The following MUC15 variants were observed in gnomAD, a reference collection of about 807,000 sequenced individuals.
MUC15 encodes mucin-15.
A neutral mutation model predicts 24.0 loss-of-function variants in MUC15; 23 were observed. That is an observed-to-expected ratio of 0.96 (90% CI 0.69 to 1.36). The LOEUF (loss-of-function observed/expected upper bound fraction) is 1.36, where lower values mean the gene tolerates loss of function less well. Ranked by LOEUF, MUC15 falls within the 40% of genes most tolerant of loss-of-function variation. The pLI is 0.00. For missense variants in MUC15, 442 were observed against 428.2 expected (o/e 1.03, Z -0.29); for synonymous variants, 151 against 156.3 (o/e 0.97, Z 0.25).
intron 1 of MUC15, among the ~76,000 whole-genome samples, chr11:26,570,198 A>G (rs1022838270): frequency 6.6e-6 from 1 of 151,842 alleles, no homozygotes; most frequent in African/African-American, 2.4e-5. Context: ...TTTTAGAACA[A>G]CTCCTCTACA....
intron 1 of MUC15, among the ~76,000 whole-genome samples, 180 bp downstream of exon 1, chr11:26,571,861 G>A (rs1037071948): frequency 2.6e-5 from 4 of 152,078 alleles, no homozygotes; most frequent in Non-Finnish European, 4.4e-5. Context: ...TACTCATTTG[G>A]AAGGTCATTA....
chr11:26,565,948 T>C, intron 2 of MUC15, 52 bp from the exon 3 acceptor site: 2 of 1,413,208 alleles, frequency 1.4e-6, no homozygotes, highest in Non-Finnish European at 1.9e-6. Context: ...ACTCTGAGTT[T>C]TTAAATGGAT....
chr11:26,569,432 TC>T (rs1348515138), intron 1 of MUC15, among the ~76,000 whole-genome samples: 2 of 152,084 alleles, frequency 1.3e-5, no homozygotes, highest in Admixed American at 6.6e-5. Context: ...CAAGTTTGCC[TC>T]TGCTGCCTGG....
chr11:26,559,835 T>TACACAC lies in MUC15; in HGVS notation c.*1224_*1229dup, dbSNP rs71047866. 2.5e-3 allele frequency: 1,682 copies of TACACAC among 661,662 alleles called. 4 individuals carry two copies. Among genetic ancestry groups the TACACAC allele is most frequent in the African/African-American group, 0.01 (557 of 54,232 alleles). 41.0% of individuals were successfully genotyped at this position (661,662 alleles called of 1,614,324 possible). A position where few individuals can be genotyped will look rare whatever the true frequency, so the allele number is the denominator to read the frequency against. ...TTATTTTCTGAAGCTGTTTCTGTGT[T>TACACAC]ACACACACACACACACACACACACA... On this transcript the variant is annotated 3_prime_UTR_variant, in exon 5 of 5. Coordinates refer to ENST00000529533, the MANE Select transcript of MUC15 (RefSeq NM_001135091.2).
rs761837933 is a variant in MUC15 at position 26,565,719 on chromosome 11, A to G, written c.221T>C (p.Ile74Thr). 5.6e-6 allele frequency: 9 copies of G among 1,613,194 alleles called. No individual in the cohort carries two copies. The highest frequency in any genetic ancestry group is 6.8e-6 in the Non-Finnish European group (8 of 1,179,524). The change falls in exon 3 of 5, where the codon ATT (isoleucine) becomes ACT (threonine). Residue 74 changes from isoleucine (I) to threonine (T), a missense_variant. Physicochemically the swap from Ile to Thr is moderately conservative, Grantham distance 89 (BLOSUM62 -1). Coordinates refer to ENST00000529533, the MANE Select transcript of MUC15 (RefSeq NM_001135091.2). Reference protein sequence around the residue: ...EVFKTMENKPISLESEANLNS... With the variant: ...EVFKTMENKPTSLESEANLNS... Reference sequence around the variant, plus strand: ...TAAGTTTGCTTCACTTTCCAAAGAAATAGGTTTATTTTCCATTGTTTTAAA... The same window carrying G: ...TAAGTTTGCTTCACTTTCCAAAGAAGTAGGTTTATTTTCCATTGTTTTAAA...
At chr11:26,567,245 A>T (rs1850625156) in intron 1 of MUC15, 106 bp from the exon 2 acceptor site, 4 of 708,934 alleles carry the variant, frequency 5.6e-6, no homozygotes, top group Non-Finnish European at 8.2e-6. Flanking sequence ...TTAAAAAAAT[A>T]GACTTTTTTT....
intron 1 of MUC15, among the ~76,000 whole-genome samples, chr11:26,569,311 G>A (rs895468375): frequency 6.6e-6 from 1 of 152,030 alleles, no homozygotes; most frequent in African/African-American, 2.4e-5. Context: ...GGAAGAGAGG[G>A]GTAGTTCAGT....
At chr11:26,562,695 TA>T (rs1850340888) in intron 4 of MUC15, among the ~76,000 whole-genome samples, 1 of 151,880 alleles carries the variant, frequency 6.6e-6, no homozygotes, top group African/African-American at 2.4e-5. Context: ...TGTGTCTGTA[TA>T]AACTTTAAAA....
At chr11:26,561,632 T>A (rs542658618) in intron 4 of MUC15, among the ~76,000 whole-genome samples, 19 of 152,120 alleles carry the variant, frequency 1.2e-4, no homozygotes, top group African/African-American at 4.3e-4. Context: ...TTTAAATTAA[T>A]GTTATTATTT....
chr11:26,564,677 A>G (rs1358938163), intron 3 of MUC15, among the ~76,000 whole-genome samples: 2 of 134,616 alleles, frequency 1.5e-5, no homozygotes, highest in Non-Finnish European at 3.2e-5. Context: ...ACTCATATAT[A>G]TATACTCATA....
chr11:26,561,331 A>G, intron 4 of MUC15, 106 bp from the exon 5 acceptor site: 1 of 759,700 alleles, frequency 1.3e-6, no homozygotes, highest in Non-Finnish European at 1.9e-6. Context: ...AAATAAATAT[A>G]TTTTTATATG....
At chr11:26,563,818 T>C (rs1354065534) in intron 3 of MUC15, among the ~76,000 whole-genome samples, 3 of 151,896 alleles carry the variant, frequency 2.0e-5, no homozygotes, top group Non-Finnish European at 2.9e-5. Context: ...CTTCAGTGCC[T>C]TGCATATCAA....
rs1183942994 is a variant in MUC15, at chr11:26,559,827, TTC to T, written c.*1236_*1237del. ...TCTATCCCTTATTTTCTGAAGCTGT[TTC>T]TGTGTTACACACACACACACACACA... On this transcript the variant is annotated 3_prime_UTR_variant, in exon 5 of 5. Coordinates refer to ENST00000529533, the MANE Select transcript of MUC15 (RefSeq NM_001135091.2). 3 of 1,175,930 alleles carry T rather than the reference TTC, an allele frequency of 2.6e-6. No homozygotes were observed. The highest frequency in any genetic ancestry group is 3.8e-6 in the Non-Finnish European group (3 of 798,634). The allele number at this position is 1,175,930 out of a possible 1,614,324, so 72.8% of individuals were successfully genotyped here.
At chr11:26,569,849 G>T (rs559239784) in intron 1 of MUC15, among the ~76,000 whole-genome samples, 40 of 152,140 alleles carry the variant, frequency 2.6e-4, no homozygotes, top group African/African-American at 9.6e-4. Flanking sequence ...TGCACTGTGG[G>T]GGCAGACAGA....
chr11:26,568,997 T>C (rs1188625634), intron 1 of MUC15, among the ~76,000 whole-genome samples: 3 of 152,060 alleles, frequency 2.0e-5, no homozygotes, highest in Non-Finnish European at 4.4e-5. Context: ...CCTAATAAAG[T>C]GGTCACCAGT....
In MUC15 at chr11:26,565,390, T is replaced by A. The variant is rs753619469; in HGVS notation, c.550A>T (p.Thr184Ser). Residue 184 changes from threonine (T) to serine (S), a missense_variant, in exon 3 of 5, where the codon ACC becomes TCC. Coordinates refer to ENST00000529533, the MANE Select transcript of MUC15 (RefSeq NM_001135091.2). ...GAACTGTTATCAGGAGTTTTCACGGTGTCATTGACCAAAGACCAAGTGAAG... is the reference window on the plus strand; with the variant it reads ...GAACTGTTATCAGGAGTTTTCACGGAGTCATTGACCAAAGACCAAGTGAAG... ...ENFTWSLVNDTVKTPDNSSIT... is the reference protein window; with the variant it reads ...ENFTWSLVNDSVKTPDNSSIT... The A allele has an allele frequency of 3.1e-6, 5 of 1,613,134 alleles. No individual in the cohort carries two copies. The highest frequency in any genetic ancestry group is 4.2e-6 in the Non-Finnish European group (5 of 1,179,500).
chr11:26,562,726 A>G (rs1041425698), intron 4 of MUC15, among the ~76,000 whole-genome samples: 21 of 152,008 alleles, frequency 1.4e-4, no homozygotes, highest in African/African-American at 4.6e-4. Context: ...ATTAGAATCA[A>G]TCTTTGTTCA....
At position 26,559,715 on chromosome 11, in the gene MUC15, T is replaced by C. The variant is rs1850206135; in HGVS notation, c.*1350A>G. On this transcript the variant is annotated 3_prime_UTR_variant, in exon 5 of 5. Transcript: ENST00000529533. ...ACTAATATTTCTGTTTGTTTTCTACTCAGGTGACATATTTGTTCGATAATG... is the reference window on the plus strand; with the variant it reads ...ACTAATATTTCTGTTTGTTTTCTACCCAGGTGACATATTTGTTCGATAATG... 1.2e-6 allele frequency: 2 copies of C among 1,608,516 alleles called. No homozygotes were observed. Among genetic ancestry groups the C allele is most frequent in the South Asian group, 1.1e-5 (1 of 90,970 alleles).
At chr11:26,568,757 C>T (rs1850700033) in intron 1 of MUC15, among the ~76,000 whole-genome samples, 1 of 151,956 alleles carries the variant, frequency 6.6e-6, no homozygotes, top group Non-Finnish European at 1.5e-5. Context: ...TGATGCCTCA[C>T]CTAGTGTGTT....
Sources: allele counts gnomAD v4.1 joint callset (sites outside exome capture counted in the v4.1 genomes callset), GRCh38; gene constraint gnomAD v4.1.1; transcripts MANE v1.5; gene names NCBI Gene and HGNC (gene_info 2026-07-23, HGNC 2026-07-21).